PIK3CB: variants seen among roughly 807,000 people sequenced by gnomAD.
PIK3CB encodes the protein phosphatidylinositol-4,5-bisphosphate 3-kinase catalytic subunit beta.
A neutral mutation model predicts 136.8 loss-of-function variants in PIK3CB; 39 were observed. That is an observed-to-expected ratio of 0.29 (90% CI 0.22 to 0.37). The LOEUF (loss-of-function observed/expected upper bound fraction) is 0.37, where lower values mean the gene tolerates loss of function less well. Among genes scored for constraint, PIK3CB ranks in the 10% least tolerant of loss-of-function variants. The probability of loss-of-function intolerance (pLI) is 1.00; values close to 1 mark genes in which losing one functional copy is unlikely to be tolerated. For synonymous variants in PIK3CB, 428 were observed against 436.6 expected (o/e 0.98, Z 0.25); for missense variants, 868 against 1,275.4 (o/e 0.68, Z 4.87).
At chr3:138,732,182 G>A (rs2044991707) in intron 8 of PIK3CB, among the ~76,000 whole-genome samples, 1 of 152,086 alleles carries the variant, frequency 6.6e-6, no homozygotes, top group African/African-American at 2.4e-5. Flanking sequence ...TTTCTGAGGA[G>A]CGGTAAGAGT....
intron 2 of PIK3CB, among the ~76,000 whole-genome samples, chr3:138,780,436 A>G (rs549603853): frequency 4.6e-5 from 7 of 151,744 alleles, no homozygotes; most frequent in South Asian, 2.1e-4. Context: ...ATGCCCAGCT[A>G]ATTTTTGTAT....
intron 4 of PIK3CB, among the ~76,000 whole-genome samples, chr3:138,754,181 AG>A (rs998339686): frequency 6.6e-6 from 1 of 152,164 alleles, no homozygotes; most frequent in African/African-American, 2.4e-5. Flanking sequence ...TATTTGGGCC[AG>A]GTGCTGTGGC....
At chr3:138,658,803 G>A (rs147223659) in intron 21 of PIK3CB, among the ~76,000 whole-genome samples, 44 of 152,180 alleles carry the variant, frequency 2.9e-4, no homozygotes, top group African/African-American at 9.4e-4. Context: ...TTAGCTTAGT[G>A]TTCTATGACC....
intron 2 of PIK3CB, chr3:138,770,695 A>G (rs1164735094): frequency 6.6e-6 from 1 of 152,132 alleles, no homozygotes; most frequent in Non-Finnish European, 1.5e-5. Context: ...ATATAAAAGA[A>G]AAAACATTAC....
chr3:138,808,842 ATAC>A (rs1204641061), intron 1 of PIK3CB, among the ~76,000 whole-genome samples: 2 of 151,694 alleles, frequency 1.3e-5, no homozygotes, highest in African/African-American at 4.8e-5. Context: ...TATATAACAT[ATAC>A]TAATACATTT....
At position 138,683,586 on chromosome 3, in the gene PIK3CB, A is replaced by T. The variant is rs973996264; in HGVS notation, c.2425+92T>A. 4.0e-5 allele frequency: 29 copies of T among 718,896 alleles called. No homozygotes were observed. In the African/African-American group the frequency reaches 4.6e-4, roughly 11 times the overall value. 44.5% of individuals were successfully genotyped at this position (718,896 alleles called of 1,614,324 possible). A position where few individuals can be genotyped will look rare whatever the true frequency, so the allele number is the denominator to read the frequency against. ...TACCTTCCTGGCTGCAAATTGTTAC[A>T]CACTTACACTACACATCACCTTTCA... is the stretch of plus-strand genomic sequence containing the variant. On this transcript the variant is annotated intron_variant, in intron 18 of 23. Coordinates refer to ENST00000674063, the MANE Select transcript of PIK3CB (RefSeq NM_006219.3).
chr3:138,713,808 T>C (rs943768694), intron 9 of PIK3CB, among the ~76,000 whole-genome samples: 2 of 152,204 alleles, frequency 1.3e-5, no homozygotes, highest in African/African-American at 4.8e-5. Context: ...AACATTTGAC[T>C]GAAAACATAA....
At chr3:138,656,010 C>T in intron 23 of PIK3CB, 132 bp downstream of exon 23, 2 of 867,962 alleles carry the variant, frequency 2.3e-6, no homozygotes, top group South Asian at 1.8e-5. Flanking sequence ...CAGATTCTTT[C>T]CCTCCTGGCT....
chr3:138,666,723 T>G (rs930949165), intron 19 of PIK3CB, among the ~76,000 whole-genome samples: 3 of 152,198 alleles, frequency 2.0e-5, no homozygotes, highest in African/African-American at 7.2e-5. Context: ...ATGGAATTCA[T>G]GCACTCAGTA....
At chr3:138,683,504 G>C (rs2043822109) in intron 18 of PIK3CB, among the ~76,000 whole-genome samples, 174 bp downstream of exon 18, 1 of 151,842 alleles carries the variant, frequency 6.6e-6, no homozygotes, top group Non-Finnish European at 1.5e-5. Flanking sequence ...TTTTATAAGA[G>C]GGGGAAAAAA....
chr3:138,686,468 C>G (rs143351805), intron 16 of PIK3CB, among the ~76,000 whole-genome samples: 6 of 151,964 alleles, frequency 3.9e-5, no homozygotes, highest in Middle Eastern at 3.4e-3. Context: ...TAAATAATAA[C>G]AACAAATAAA....
At chr3:138,657,655 G>C in intron 22 of PIK3CB, 35 bp downstream of exon 22, 1 of 1,587,350 alleles carries the variant, frequency 6.3e-7, no homozygotes, top group Non-Finnish European at 8.6e-7. Context: ...GAAAATGTTA[G>C]AAGTGTTCAG....
At chr3:138,777,984 G>T in intron 2 of PIK3CB, 1 of 386,950 alleles carries the variant, frequency 2.6e-6, no homozygotes, top group Non-Finnish European at 5.1e-6. Flanking sequence ...TCTACCCATG[G>T]CAAATTCCGT....
At position 138,751,180 on chromosome 3, in the gene PIK3CB, C is replaced by T. The variant is rs567965091; in HGVS notation, c.397+4574G>A. ...TCTCTTAAATACAGAAATTTTAGGC[C>T]GGGCGCAGTAGCTCACGCCTGTAAT... On this transcript the variant is annotated intron_variant, in intron 4 of 23. Transcript: ENST00000674063. Among the ~76,000 whole-genome samples the T allele has an allele frequency of 6.6e-5, 10 of 152,180 alleles. No individual in the cohort carries two copies. In the East Asian group the frequency reaches 7.7e-4, roughly 12 times the overall value.
intron 12 of PIK3CB, among the ~76,000 whole-genome samples, chr3:138,702,347 T>G (rs539932955): frequency 1.3e-4 from 20 of 152,004 alleles, no homozygotes; most frequent in South Asian, 2.1e-4. Flanking sequence ...AGTGCTGCGA[T>G]TATAGGGGTG....
At chr3:138,756,836 C>T (rs1024298310) in intron 3 of PIK3CB, among the ~76,000 whole-genome samples, 2 of 152,058 alleles carry the variant, frequency 1.3e-5, no homozygotes, top group East Asian at 3.9e-4. Flanking sequence ...GTAAACTGAA[C>T]TTCACCAAAA....
intron 1 of PIK3CB, among the ~76,000 whole-genome samples, chr3:138,828,409 T>A (rs1054362827): frequency 2.3e-4 from 35 of 151,816 alleles, no homozygotes; most frequent in Non-Finnish European, 4.6e-4. Context: ...ATGGTCTCGA[T>A]CTCCTGACCT....
At chr3:138,757,195 A>G (rs975407382) in intron 3 of PIK3CB, among the ~76,000 whole-genome samples, 6 of 152,014 alleles carry the variant, frequency 3.9e-5, no homozygotes, top group African/African-American at 1.4e-4. Flanking sequence ...CATGAGGTCA[A>G]GAAATCAAGA....
chr3:138,663,467 C>T (rs578032478), intron 21 of PIK3CB, among the ~76,000 whole-genome samples: 112 of 152,266 alleles, frequency 7.4e-4, no homozygotes, highest in African/African-American at 2.1e-3. Flanking sequence ...CTGCAACCTC[C>T]GCCTCCCAGG....
Sources: allele counts gnomAD v4.1 joint callset (sites outside exome capture counted in the v4.1 genomes callset), GRCh38; gene constraint gnomAD v4.1.1; transcripts MANE v1.5; gene names NCBI Gene and HGNC (gene_info 2026-07-23, HGNC 2026-07-21).